The following NEGR1 variants were observed in gnomAD, a reference collection of about 807,000 sequenced individuals.
NEGR1 encodes the protein neuronal growth regulator 1.
In NEGR1, 10 loss-of-function variants were observed where a neutral mutation model predicts 40.9. That is an observed-to-expected ratio of 0.24 (90% CI 0.15 to 0.42). The LOEUF (loss-of-function observed/expected upper bound fraction) is 0.42, where lower values mean the gene tolerates loss of function less well. NEGR1 is among the 10% of genes least tolerant of loss of function. NEGR1 has a pLI of 1.00. For synonymous variants in NEGR1, 185 were observed against 166.8 expected (o/e 1.11, Z -0.84); for missense variants, 352 against 438.9 (o/e 0.80, Z 1.77).
intron 5 of NEGR1, among the ~76,000 whole-genome samples, chr1:71,600,708 G>A (rs1184201810): frequency 6.6e-6 from 1 of 152,142 alleles, no homozygotes; most frequent in Non-Finnish European, 1.5e-5. Context: ...GGAATACAGG[G>A]GCCAGAATGT....
chr1:71,937,708 A>G (rs1210806411), intron 1 of NEGR1, among the ~76,000 whole-genome samples: 4 of 152,174 alleles, frequency 2.6e-5, no homozygotes, highest in South Asian at 2.1e-4. Context: ...AAATGATTAG[A>G]ATGTTGCAGA....
At chr1:72,034,495 T>C (rs184331765) in intron 1 of NEGR1, among the ~76,000 whole-genome samples, 1 of 152,294 alleles carries the variant, frequency 6.6e-6, no homozygotes, top group East Asian at 1.9e-4. Flanking sequence ...ATAAAGGTAT[T>C]CCATTTATTT....
At chr1:71,922,758 G>A (rs1188829613) in intron 2 of NEGR1, among the ~76,000 whole-genome samples, 1 of 152,116 alleles carries the variant, frequency 6.6e-6, no homozygotes, top group Non-Finnish European at 1.5e-5. Context: ...CTCTGAGTTG[G>A]ACACTTCAAG....
At chr1:71,819,755 G>T (rs1023290347) in intron 2 of NEGR1, among the ~76,000 whole-genome samples, 2 of 151,990 alleles carry the variant, frequency 1.3e-5, no homozygotes, top group Non-Finnish European at 2.9e-5. Flanking sequence ...AAAAGGTGAA[G>T]TTGAAATGCT....
chr1:71,875,340 C>A (rs1316208380), intron 2 of NEGR1, among the ~76,000 whole-genome samples: 1 of 152,138 alleles, frequency 6.6e-6, no homozygotes, highest in Non-Finnish European at 1.5e-5. Context: ...AAGTAGGTCT[C>A]TGATTAATAC....
chr1:71,482,983 G>A (rs1231303866), intron 6 of NEGR1, among the ~76,000 whole-genome samples: 3 of 151,768 alleles, frequency 2.0e-5, no homozygotes, highest in Non-Finnish European at 2.9e-5. Context: ...ATTAATCAGG[G>A]ATGGGAAATT....
chr1:72,263,739 C>A (rs537556327), intron 1 of NEGR1, among the ~76,000 whole-genome samples: 5 of 151,268 alleles, frequency 3.3e-5, no homozygotes, highest in Admixed American at 1.3e-4. Flanking sequence ...TCTTTTGGCA[C>A]ACACACACAA....
intron 2 of NEGR1, among the ~76,000 whole-genome samples, chr1:71,795,598 C>T (rs957033373): frequency 3.9e-5 from 6 of 152,070 alleles, no homozygotes; most frequent in African/African-American, 1.4e-4. Flanking sequence ...AAAGATTATA[C>T]AGTTTCCAAA....
At chr1:71,768,387 A>G (rs1599179) in intron 3 of NEGR1, among the ~76,000 whole-genome samples, 113,297 of 152,044 alleles carry the variant, frequency 0.75, 44,097 homozygotes, top group Middle Eastern at 0.86. Context: ...AAGTTTTGAG[A>G]TTTAATGACT....
Position 72,146,313 on chromosome 1 carries a change from G to A in NEGR1, c.176+136006C>T, listed in dbSNP as rs112304605. On this transcript the variant is annotated intron_variant, in intron 1 of 6. Coordinates refer to ENST00000357731, the MANE Select transcript of NEGR1 (RefSeq NM_173808.3). ...GTTTAAGAGCGATGCAGGTATTCTGGTGATGCTGCTGTGCTGCTCCATTAC... is the reference window on the plus strand; with the variant it reads ...GTTTAAGAGCGATGCAGGTATTCTGATGATGCTGCTGTGCTGCTCCATTAC... Among the ~76,000 whole-genome samples, 444 of 152,264 alleles carry A rather than the reference G, an allele frequency of 2.9e-3. 2 individuals are homozygous for A. The highest frequency in any genetic ancestry group is 0.01 in the African/African-American group (425 of 41,556).
At chr1:71,984,383 C>G (rs535555049) in intron 1 of NEGR1, among the ~76,000 whole-genome samples, 1 of 152,096 alleles carries the variant, frequency 6.6e-6, no homozygotes, top group Non-Finnish European at 1.5e-5. Context: ...CCTCGGCCCC[C>G]CAAAGTGCTG....
chr1:71,482,408 A>G (rs1373904497), intron 6 of NEGR1, among the ~76,000 whole-genome samples: 2 of 151,856 alleles, frequency 1.3e-5, no homozygotes. Context: ...AGGTGGTGGA[A>G]AATAGTGAAG....
At chr1:71,473,383 T>A (rs1386247847) in intron 6 of NEGR1, among the ~76,000 whole-genome samples, 1 of 152,084 alleles carries the variant, frequency 6.6e-6, no homozygotes, top group Admixed American at 6.6e-5. Flanking sequence ...CAGAAGATAA[T>A]GAAATTATAG....
rs576778076 is a variant in NEGR1 at position 72,024,198 on chromosome 1, A to T, written c.177-88887T>A. ...ATTTATCACTGATTAACATACCAGA[A>T]ATTATTTGAGAAAAATTCTATGTAT... On this transcript the variant is annotated intron_variant, in intron 1 of 6. Coordinates refer to ENST00000357731, the MANE Select transcript of NEGR1 (RefSeq NM_173808.3). Among the ~76,000 whole-genome samples, 54 of 152,202 alleles carry T rather than the reference A, an allele frequency of 3.5e-4. 2 individuals carry two copies. In the South Asian group the frequency reaches 0.011, roughly 31 times the overall value.
At chr1:71,427,018 T>C (rs1307958068) in intron 6 of NEGR1, among the ~76,000 whole-genome samples, 1 of 152,214 alleles carries the variant, frequency 6.6e-6, no homozygotes, top group Non-Finnish European at 1.5e-5. Context: ...TCACTGTTTC[T>C]TACCCTCTGT....
intron 3 of NEGR1, among the ~76,000 whole-genome samples, chr1:71,701,470 T>C (rs1274095487): frequency 8.6e-5 from 13 of 152,046 alleles, no homozygotes; most frequent in Non-Finnish European, 2.9e-5. Context: ...CTACTGCCTC[T>C]ACTACAGTCT....
intron 6 of NEGR1, among the ~76,000 whole-genome samples, chr1:71,490,595 C>T (rs893571284): frequency 6.6e-6 from 1 of 151,994 alleles, no homozygotes; most frequent in East Asian, 1.9e-4. Flanking sequence ...CCTGTGATTG[C>T]TTTACAAAAG....
chr1:71,825,535 G>C (rs527397040), intron 2 of NEGR1, among the ~76,000 whole-genome samples: 4 of 151,768 alleles, frequency 2.6e-5, no homozygotes, highest in African/African-American at 9.7e-5. Flanking sequence ...TAGCATAAAA[G>C]GGCAATATAA....
intron 6 of NEGR1, among the ~76,000 whole-genome samples, chr1:71,535,122 AT>A (rs1647474020): frequency 6.6e-6 from 1 of 151,760 alleles, no homozygotes; most frequent in Non-Finnish European, 1.5e-5. Flanking sequence ...ATTCAAAAAA[AT>A]GAAAGCATAA....
Sources: gnomAD v4.1 joint callset for allele counts (sites outside exome capture counted in the v4.1 genomes callset) on GRCh38, gnomAD v4.1.1 for gene constraint, MANE v1.5 for transcripts, NCBI Gene and HGNC (gene_info 2026-07-23, HGNC 2026-07-21) for gene names.